Variants in C2CD3 observed in about 807,000 individuals in gnomAD.
C2CD3 encodes the protein C2 domain-containing protein 3.
Under a neutral mutation model 234.0 loss-of-function variants are expected in C2CD3, and 148 were observed. That is an observed-to-expected ratio of 0.63 (90% CI 0.55 to 0.72). The LOEUF (loss-of-function observed/expected upper bound fraction) is 0.72, where lower values mean the gene tolerates loss of function less well. C2CD3 is among the 30% of genes least tolerant of loss of function. The pLI is 0.00. For missense variants in C2CD3, 2,577 were observed against 2,811.5 expected, an observed-to-expected ratio of 0.92 and a Z score of 1.89; for synonymous variants, 1,000 against 1,035.4, an observed-to-expected ratio of 0.97 and a Z score of 0.66.
At chr11:74,044,861 T>C (rs976468150) in intron 28 of C2CD3, among the ~76,000 whole-genome samples, 1 of 152,054 alleles carries the variant, frequency 6.6e-6, no homozygotes, top group Non-Finnish European at 1.5e-5. Flanking sequence ...TCCAGCTGCA[T>C]CCACGTTGCT....
intron 18 of C2CD3, 90 bp from the exon 19 acceptor site, chr11:74,092,678 C>G: frequency 2.8e-6 from 3 of 1,054,832 alleles, no homozygotes; most frequent in Non-Finnish European, 4.1e-6. Flanking sequence ...ACCTGGTTAT[C>G]TTTGGTGCCT....
chr11:74,069,917 G>A (rs940498698), intron 24 of C2CD3, among the ~76,000 whole-genome samples: 1 of 152,020 alleles, frequency 6.6e-6, no homozygotes, highest in African/African-American at 2.4e-5. Context: ...CTTGATCTGC[G>A]GGAGACAAAC....
chr11:74,017,632 T>C (rs1029493640), intron 32 of C2CD3, among the ~76,000 whole-genome samples: 2 of 152,202 alleles, frequency 1.3e-5, no homozygotes, highest in Non-Finnish European at 2.9e-5. Context: ...CCAAGCGGTG[T>C]TGGGCAACCC....
chr11:74,088,619 C>A (rs1489057135), intron 20 of C2CD3, among the ~76,000 whole-genome samples: 1 of 152,226 alleles, frequency 6.6e-6, no homozygotes, highest in Non-Finnish European at 1.5e-5. Context: ...TTGTTATCTG[C>A]CCTCTCTGAG....
intron 26 of C2CD3, among the ~76,000 whole-genome samples, chr11:74,053,156 T>C (rs369185910): frequency 6.6e-5 from 10 of 152,228 alleles, no homozygotes; most frequent in African/African-American, 2.4e-4. Context: ...TTAATAGATA[T>C]ATGACCTTAG....
In C2CD3 at chr11:74,090,801, A is replaced by G. The variant is rs564657040; in HGVS notation, c.3641+12T>C. On this transcript the variant is annotated intron_variant, in intron 20 of 32. Transcript: ENST00000334126. Reference sequence around the variant, plus strand: ...AAAAGGCTTGAGAATTGCTTGTCTCAGGTGGACTTACTTGGCTGCTGCTTG... The same window carrying G: ...AAAAGGCTTGAGAATTGCTTGTCTCGGGTGGACTTACTTGGCTGCTGCTTG... 17 of 1,614,050 alleles carry G rather than the reference A, an allele frequency of 1.1e-5. No homozygotes were observed. In the South Asian group the frequency reaches 1.8e-4, roughly 17 times the overall value.
intron 2 of C2CD3, among the ~76,000 whole-genome samples, chr11:74,165,082 A>C (rs985976900): frequency 1.3e-5 from 2 of 152,226 alleles, no homozygotes; most frequent in Non-Finnish European, 1.5e-5. Context: ...AAAATAAAAT[A>C]AAATAAAATA....
chr11:74,106,341 T>G, intron 13 of C2CD3, 30 bp downstream of exon 13: 1 of 1,610,812 alleles, frequency 6.2e-7, no homozygotes, highest in Non-Finnish European at 8.5e-7. Context: ...CAGCAAATAC[T>G]TCTGACTTCC....
chr11:74,062,180 G>C (rs1180483557), intron 24 of C2CD3, among the ~76,000 whole-genome samples: 1 of 152,068 alleles, frequency 6.6e-6, no homozygotes, highest in Admixed American at 6.6e-5. Flanking sequence ...TAATAGGAGA[G>C]TTTAACACCC....
Position 74,114,212 on chromosome 11 carries a change from ATACT to A in C2CD3, c.1730+168_1730+171del, listed in dbSNP as rs149429596. The stretch of plus-strand genomic sequence containing the variant: ...CTGTATCTTAATTTTCTTTAGTCCC[ATACT>A]TACTTACACAGTTCTTGGGATATAG... On this transcript the variant is annotated intron_variant, in intron 10 of 32. Transcript: ENST00000334126. Among the ~76,000 whole-genome samples, 3,294 of 152,350 alleles carry A rather than the reference ATACT, an allele frequency of 0.022. 67 individuals carry two copies. Among genetic ancestry groups the A allele is most frequent in the African/African-American group, 0.047 (1,944 of 41,574 alleles).
Position 74,034,019 on chromosome 11 carries a change from C to A in C2CD3, c.6141G>T (p.Met2047Ile), listed in dbSNP as rs1423637073. ...SLRHAVPITR[M>I]QSSEDTEAGP... Reference sequence around the variant, plus strand: ...CTGCCTCAGTGTCTTCACTGCTCTGCATCCTTGTAATGGGTACTGCATGCC... The same window carrying A: ...CTGCCTCAGTGTCTTCACTGCTCTGAATCCTTGTAATGGGTACTGCATGCC... The change falls in exon 31 of 33, where the codon ATG becomes ATT. Residue 2047 changes from methionine (M) to isoleucine (I), a missense_variant. Transcript: ENST00000334126. 4.6e-6 allele frequency: 7 copies of A among 1,536,456 alleles called. No homozygotes were observed. Among genetic ancestry groups the A allele is most frequent in the Middle Eastern group, 1.7e-4 (1 of 6,014 alleles).
intron 24 of C2CD3, among the ~76,000 whole-genome samples, chr11:74,072,716 C>T (rs201288732): frequency 6.6e-6 from 1 of 151,062 alleles, no homozygotes; most frequent in Non-Finnish European, 1.5e-5. Flanking sequence ...TTTGTCTGTC[C>T]TTTTTTTTTA....
chr11:74,110,521 A>G (rs1044123525), intron 11 of C2CD3: 3 of 152,180 alleles, frequency 2.0e-5, no homozygotes, highest in Non-Finnish European at 4.4e-5. Flanking sequence ...TGGTTACTCT[A>G]CCTGGGAAAG....
At chr11:74,033,180 C>T (rs1041796253) in intron 31 of C2CD3, among the ~76,000 whole-genome samples, 171 bp downstream of exon 31, 3 of 152,194 alleles carry the variant, frequency 2.0e-5, no homozygotes, top group Non-Finnish European at 4.4e-5. Flanking sequence ...TTTCTGAGGG[C>T]TGGTGTTAAT....
chr11:74,043,674 G>A (rs1591318804), intron 28 of C2CD3, among the ~76,000 whole-genome samples: 1 of 151,472 alleles, frequency 6.6e-6, no homozygotes, highest in East Asian at 1.9e-4. Context: ...AGTCACCCTA[G>A]TGGATATAAA....
intron 2 of C2CD3, among the ~76,000 whole-genome samples, chr11:74,165,295 T>G (rs896012794): frequency 1.3e-5 from 2 of 152,322 alleles, no homozygotes; most frequent in Middle Eastern, 6.8e-3. Context: ...ATGTTAATTC[T>G]GGCACAGCCT....
intron 7 of C2CD3, among the ~76,000 whole-genome samples, chr11:74,124,556 G>A (rs968466192): frequency 2.0e-5 from 3 of 151,978 alleles, no homozygotes; most frequent in African/African-American, 7.2e-5. Context: ...AATGTCTCAT[G>A]GGGTTGGGGT....
At position 74,072,944 on chromosome 11, in the gene C2CD3, G is replaced by A. The variant is rs565447388; in HGVS notation, c.4951+1309C>T. 3.9e-5 allele frequency among the ~76,000 whole-genome samples: 6 copies of A among 152,280 alleles called. No homozygotes were observed. In the South Asian group the frequency reaches 1.2e-3, roughly 32 times the overall value. On this transcript the variant is annotated intron_variant, in intron 24 of 32. Coordinates refer to ENST00000334126, the MANE Select transcript of C2CD3 (RefSeq NM_001286577.2). Reference sequence around the variant, plus strand: ...CAAAGTGCCAGGGGAGCAAATAGAAGGGGGCCTTTATATTGGGAAAGCCCT... The same window carrying A: ...CAAAGTGCCAGGGGAGCAAATAGAAAGGGGCCTTTATATTGGGAAAGCCCT...
In C2CD3 at chr11:74,054,314, T is replaced by C. The variant is rs11825062; in HGVS notation, c.5155+293A>G. ...AAAATTAGCTAGGCATAGTGGTATG[T>C]GCTTGCGGTCCCCGCTACTCAGGAG... On this transcript the variant is annotated intron_variant, in intron 26 of 32. Transcript: ENST00000334126. 0.12 allele frequency among the ~76,000 whole-genome samples: 17,721 copies of C among 149,442 alleles called. 3,355 individuals carry two copies. The highest frequency in any genetic ancestry group is 0.4 in the African/African-American group (16,298 of 40,320).
Sources: gnomAD v4.1 joint callset for allele counts (sites outside exome capture counted in the v4.1 genomes callset) on GRCh38, gnomAD v4.1.1 for gene constraint, MANE v1.5 for transcripts, NCBI Gene and HGNC (gene_info 2026-07-23, HGNC 2026-07-21) for gene names.